ALK: variants seen among roughly 807,000 people sequenced by gnomAD.
ALK encodes ALK tyrosine kinase receptor.
ALK carries 74 observed loss-of-function variants against 163.1 expected under a neutral mutation model. The observed-to-expected ratio is 0.45, with a 90% confidence interval of 0.38 to 0.55. The LOEUF is 0.55. ALK is among the 20% of genes least tolerant of loss of function. ALK has a pLI of 0.00. For missense variants in ALK, 2,063 were observed against 2,105.3 expected (o/e 0.98, Z 0.39); for synonymous variants, 960 against 843.2 (o/e 1.14, Z -2.40).
chr2:29,339,535 CAAGAAACTG>C (rs1214338295), intron 5 of ALK, among the ~76,000 whole-genome samples: 1 of 152,094 alleles, frequency 6.6e-6, no homozygotes, highest in Non-Finnish European at 1.5e-5. Flanking sequence ...GGAGTTTAGA[CAAGAAACTG>C]AAAAAAATCT....
At chr2:29,572,001 G>A (rs193201604) in intron 3 of ALK, among the ~76,000 whole-genome samples, 1 of 152,316 alleles carries the variant, frequency 6.6e-6, no homozygotes, top group African/African-American at 2.4e-5. Flanking sequence ...AGAATGGGCT[G>A]AGCCTTGCTA....
chr2:29,785,531 G>A (rs762452829), intron 1 of ALK, among the ~76,000 whole-genome samples: 2 of 152,152 alleles, frequency 1.3e-5, no homozygotes, highest in African/African-American at 4.8e-5. Context: ...ATTTACAAAA[G>A]TTCCATTTGT....
intron 4 of ALK, among the ~76,000 whole-genome samples, chr2:29,524,044 G>C (rs1373494669): frequency 6.6e-6 from 1 of 151,986 alleles, no homozygotes; most frequent in East Asian, 1.9e-4. Context: ...CCTGGGTGTG[G>C]GTGGAGGGCA....
At chr2:29,766,271 T>A (rs563395497) in intron 1 of ALK, among the ~76,000 whole-genome samples, 1 of 152,170 alleles carries the variant, frequency 6.6e-6, no homozygotes, top group African/African-American at 2.4e-5. Flanking sequence ...ATGGATCCTT[T>A]TGCACCACCA....
chr2:29,908,465 C>A (rs768256943), intron 1 of ALK, among the ~76,000 whole-genome samples: 8 of 152,238 alleles, frequency 5.3e-5, no homozygotes, highest in Non-Finnish European at 1.2e-4. Context: ...AAAAGCTGCA[C>A]TCTCTCCAAG....
intron 1 of ALK, among the ~76,000 whole-genome samples, chr2:29,837,197 A>G (rs1488463724): frequency 6.6e-6 from 1 of 152,176 alleles, no homozygotes; most frequent in Non-Finnish European, 1.5e-5. Flanking sequence ...CAGATAAGGT[A>G]AGGCATGGAA....
chr2:29,468,942 T>C (rs1275280887), intron 4 of ALK, among the ~76,000 whole-genome samples: 1 of 150,896 alleles, frequency 6.6e-6, no homozygotes, highest in African/African-American at 2.4e-5. Flanking sequence ...TGCCTGAGGT[T>C]GCAATTTTTT....
At position 29,544,777 on chromosome 2, in the gene ALK, C is replaced by T. The variant is rs79411198; in HGVS notation, c.953-12661G>A. Among the ~76,000 whole-genome samples the T allele has an allele frequency of 7.2e-5, 11 of 152,174 alleles. No homozygotes were observed. In the East Asian group the frequency reaches 2.1e-3, roughly 30 times the overall value. On this transcript the variant is annotated intron_variant, in intron 3 of 28. Coordinates refer to ENST00000389048, the MANE Select transcript of ALK (RefSeq NM_004304.5). Reference sequence around the variant, plus strand: ...CCTCTGAGTTACTGCACTGGTCTCGCTACCTGAGGAGACTTAAAAATGCTA... The same window carrying T: ...CCTCTGAGTTACTGCACTGGTCTCGTTACCTGAGGAGACTTAAAAATGCTA...
At chr2:29,274,754 A>G (rs574447544) in intron 11 of ALK, among the ~76,000 whole-genome samples, 1 of 152,340 alleles carries the variant, frequency 6.6e-6, no homozygotes, top group South Asian at 2.1e-4. Context: ...AGGAGGAGAA[A>G]TCTTACAGTA....
intron 4 of ALK, among the ~76,000 whole-genome samples, chr2:29,451,427 A>G (rs1241938394): frequency 2.0e-5 from 3 of 152,094 alleles, no homozygotes; most frequent in Admixed American, 6.6e-5. Context: ...TTCACACTCT[A>G]TCGCCCTCCT....
intron 2 of ALK, among the ~76,000 whole-genome samples, chr2:29,699,396 A>G (rs990408392): frequency 1.1e-4 from 17 of 152,246 alleles, no homozygotes; most frequent in Non-Finnish European, 1.8e-4. Context: ...CTTGCCCCCA[A>G]ATGAAAGGAC....
chr2:29,429,840 C>T (rs894900175), intron 4 of ALK, among the ~76,000 whole-genome samples: 1 of 152,042 alleles, frequency 6.6e-6, no homozygotes, highest in Non-Finnish European at 1.5e-5. Context: ...AGTGTAATTG[C>T]ATCTACAACA....
intron 3 of ALK, among the ~76,000 whole-genome samples, chr2:29,567,900 T>C (rs1017899149): frequency 1.1e-4 from 16 of 152,236 alleles, no homozygotes; most frequent in African/African-American, 3.9e-4. Context: ...GGCTTGGGGA[T>C]GTGTGTACCT....
intron 1 of ALK, among the ~76,000 whole-genome samples, chr2:29,853,868 G>T (rs564567107): frequency 2.6e-5 from 4 of 151,432 alleles, no homozygotes; most frequent in African/African-American, 9.7e-5. Context: ...CTGGCTTTGG[G>T]ATTTACTGTT....
intron 8 of ALK, among the ~76,000 whole-genome samples, chr2:29,307,537 C>T (rs375357302): frequency 2.0e-5 from 3 of 152,104 alleles, no homozygotes; most frequent in South Asian, 2.1e-4. Context: ...TAAGGCTCTC[C>T]CTCAATATAG....
At chr2:29,708,149 C>A (rs777531160) in intron 2 of ALK, among the ~76,000 whole-genome samples, 2 of 152,174 alleles carry the variant, frequency 1.3e-5, no homozygotes, top group African/African-American at 2.4e-5. Context: ...CTCACGGCAA[C>A]CTCCATCTCC....
At chr2:29,876,330 G>GTAA (rs1666705200) in intron 1 of ALK, among the ~76,000 whole-genome samples, 1 of 150,888 alleles carries the variant, frequency 6.6e-6, no homozygotes, top group Non-Finnish European at 1.5e-5. Context: ...GATGGTGGTG[G>GTAA]TGGTGGTGAT....
At chr2:29,521,905 T>C (rs1672823637) in intron 4 of ALK, among the ~76,000 whole-genome samples, 1 of 150,268 alleles carries the variant, frequency 6.7e-6, no homozygotes, top group Admixed American at 6.6e-5. Context: ...ATAGGCTCTC[T>C]ATGACCTTCG....
intron 5 of ALK, among the ~76,000 whole-genome samples, chr2:29,328,774 G>C (rs1249086664): frequency 6.6e-6 from 1 of 152,116 alleles, no homozygotes; most frequent in Non-Finnish European, 1.5e-5. Flanking sequence ...ATTCCTCCTC[G>C]GGGGTCCTCA....
Sources: gnomAD v4.1 joint callset for allele counts (sites outside exome capture counted in the v4.1 genomes callset) on GRCh38, gnomAD v4.1.1 for gene constraint, MANE v1.5 for transcripts, NCBI Gene and HGNC (gene_info 2026-07-23, HGNC 2026-07-21) for gene names.